The following UBE2L3 variants were observed in gnomAD, a reference collection of about 807,000 sequenced individuals.
UBE2L3 encodes the protein ubiquitin conjugating enzyme E2 L3.
UBE2L3 carries 1 observed loss-of-function variant against 17.8 expected under a neutral mutation model. That is an observed-to-expected ratio of 0.06 (90% CI 0.02 to 0.27). UBE2L3 has a LOEUF of 0.27. UBE2L3 is among the 10% of genes least tolerant of loss of function. The pLI, the probability that UBE2L3 is intolerant of heterozygous loss-of-function variation, is 1.00. For synonymous variants in UBE2L3, 44 were observed against 68.5 expected (o/e 0.64, Z 1.76); for missense variants, 40 against 192.6 (o/e 0.21, Z 4.69).
chr22:21,592,821 T>A (rs1462004804), intron 1 of UBE2L3, 40 bp from the exon 2 acceptor site: 1 of 1,490,092 alleles, frequency 6.7e-7, no homozygotes, highest in Non-Finnish European at 9.4e-7. Flanking sequence ...TGTGGTGCTT[T>A]CCCCTATTTG....
At chr22:21,577,278 A>C (rs8138323) in intron 1 of UBE2L3, among the ~76,000 whole-genome samples, 1 of 151,448 alleles carries the variant, frequency 6.6e-6, no homozygotes, top group African/African-American at 2.4e-5. Flanking sequence ...TGATTTTTGC[A>C]TTTTTTAGTA....
At chr22:21,587,394 T>G (rs1346921831) in intron 1 of UBE2L3, among the ~76,000 whole-genome samples, 1 of 152,014 alleles carries the variant, frequency 6.6e-6, no homozygotes, top group Admixed American at 6.6e-5. Flanking sequence ...TTTCACCATG[T>G]GGTCTCGATC....
intron 3 of UBE2L3, among the ~76,000 whole-genome samples, chr22:21,621,122 G>A (rs1009896409): frequency 2.6e-5 from 4 of 152,054 alleles, no homozygotes; most frequent in Non-Finnish European, 5.9e-5. Context: ...GAGCCAAGAT[G>A]GTGCCACTGC....
intron 2 of UBE2L3, among the ~76,000 whole-genome samples, chr22:21,606,315 ATGTG>A (rs145064151): frequency 2.0e-5 from 3 of 150,448 alleles, no homozygotes; most frequent in Admixed American, 6.6e-5. Context: ...TGTGTGTGGT[ATGTG>A]TGTGTGTGTG....
intron 2 of UBE2L3, among the ~76,000 whole-genome samples, chr22:21,594,513 C>CTT (rs879434060): frequency 4.9e-5 from 7 of 143,492 alleles, no homozygotes; most frequent in South Asian, 4.4e-4. Flanking sequence ...TAAGGTCATG[C>CTT]TTTTTTTTTT....
At chr22:21,582,406 T>C (rs1383168886) in intron 1 of UBE2L3, among the ~76,000 whole-genome samples, 1 of 151,002 alleles carries the variant, frequency 6.6e-6, no homozygotes, top group Non-Finnish European at 1.5e-5. Flanking sequence ...CAGGCTGGAG[T>C]GCAGTGGTGC....
intron 1 of UBE2L3, among the ~76,000 whole-genome samples, chr22:21,573,239 T>C (rs534002528): frequency 6.6e-6 from 1 of 152,276 alleles, no homozygotes; most frequent in East Asian, 1.9e-4. Context: ...AGGATGAGGC[T>C]GGGACTCTGG....
intron 1 of UBE2L3, among the ~76,000 whole-genome samples, chr22:21,591,294 G>A (rs761892643): frequency 9.9e-5 from 15 of 152,180 alleles, no homozygotes; most frequent in Non-Finnish European, 4.4e-5. Flanking sequence ...CACAGCTATA[G>A]CCTGTGAGAA....
At chr22:21,575,480 T>G (rs1320821166) in intron 1 of UBE2L3, among the ~76,000 whole-genome samples, 1 of 146,356 alleles carries the variant, frequency 6.8e-6, no homozygotes, top group Non-Finnish European at 1.5e-5. Flanking sequence ...TCCCAGCTAC[T>G]CTGGAGGCTG....
At chr22:21,567,493 C>T (rs1435507077), upstream of UBE2L3, 4 of 719,578 alleles carry the variant, frequency 5.6e-6, no homozygotes, top group Non-Finnish European at 8.8e-6. Context: ...ATTTATTATG[C>T]TCCTACTATG....
At chr22:21,576,972 T>A (rs992870437) in intron 1 of UBE2L3, among the ~76,000 whole-genome samples, 1 of 144,844 alleles carries the variant, frequency 6.9e-6, no homozygotes, top group African/African-American at 2.5e-5. Flanking sequence ...CCTGGCTAAT[T>A]TTTTTTTTTT....
At chr22:21,573,809 C>T (rs1240773972) in intron 1 of UBE2L3, among the ~76,000 whole-genome samples, 1 of 152,178 alleles carries the variant, frequency 6.6e-6, no homozygotes, top group Non-Finnish European at 1.5e-5. Context: ...TTAGTTAGGC[C>T]AGCCCCTGAG....
At chr22:21,575,585 G>A (rs1025184546) in intron 1 of UBE2L3, among the ~76,000 whole-genome samples, 19 of 132,096 alleles carry the variant, frequency 1.4e-4, no homozygotes. Context: ...CGAGACTCTC[G>A]AAAGAAAAAA....
intron 1 of UBE2L3, among the ~76,000 whole-genome samples, chr22:21,558,399 G>A (rs1388849027): frequency 5.9e-5 from 9 of 152,368 alleles, no homozygotes; most frequent in East Asian, 1.9e-4. Flanking sequence ...TTGGGAGGCC[G>A]AGGCAGGCGG....
chr22:21,575,334 C>T (rs1927211436), intron 1 of UBE2L3, among the ~76,000 whole-genome samples: 1 of 149,560 alleles, frequency 6.7e-6, no homozygotes, highest in Non-Finnish European at 1.5e-5. Flanking sequence ...TATCCGAATC[C>T]CAGCACTTTG....
intron 3 of UBE2L3, among the ~76,000 whole-genome samples, chr22:21,612,898 A>C (rs1293876751): frequency 6.6e-6 from 1 of 151,896 alleles, no homozygotes; most frequent in Non-Finnish European, 1.5e-5. Context: ...CAGCCTCCCA[A>C]AGTGCTGGGA....
chr22:21,592,790 G>A lies in UBE2L3; in HGVS notation c.28-71G>A, dbSNP rs1928332709. On this transcript the variant is annotated intron_variant, in intron 1 of 3. Transcript: ENST00000342192. ...TTTTGGCACTTGGTTTAATTTGAGG[G>A]CATCAGGAGGGATCTTAATATGTGG... The A allele has an allele frequency of 5.0e-6, 6 of 1,201,820 alleles. No homozygotes were observed. The Admixed American group carries it at 1.1e-4, about 21-fold the overall frequency. The allele number at this position is 1,201,820 out of a possible 1,614,324, so 74.4% of individuals were successfully genotyped here.
chr22:21,605,797 C>T (rs548249833), intron 2 of UBE2L3, among the ~76,000 whole-genome samples: 86 of 152,286 alleles, frequency 5.6e-4, no homozygotes, highest in Non-Finnish European at 1.1e-3. Context: ...TGAGCCACTG[C>T]GCCCAGTCTG....
chr22:21,619,157 A>ACACC (rs1929927659), intron 3 of UBE2L3, among the ~76,000 whole-genome samples: 1 of 152,192 alleles, frequency 6.6e-6, no homozygotes, highest in Non-Finnish European at 1.5e-5. Flanking sequence ...AGGAAAAGGG[A>ACACC]GCAGTCTCAC....
Sources: gnomAD v4.1 joint callset for allele counts (sites outside exome capture counted in the v4.1 genomes callset) on GRCh38, gnomAD v4.1.1 for gene constraint, MANE v1.5 for transcripts, NCBI Gene and HGNC (gene_info 2026-07-23, HGNC 2026-07-21) for gene names.